The following NEMP2 variants were observed in gnomAD, a reference collection of about 807,000 sequenced individuals.
NEMP2 encodes nuclear envelope integral membrane protein 2.
NEMP2 carries 53 observed loss-of-function variants against 54.2 expected under a neutral mutation model. The observed-to-expected ratio is 0.98, with a 90% CI of 0.78 to 1.23. NEMP2 has a LOEUF of 1.23. Ranked by LOEUF, NEMP2 falls within the 50% of genes most tolerant of loss-of-function variation. The pLI, the probability that NEMP2 is intolerant of heterozygous loss-of-function variation, is 0.00. For missense variants in NEMP2, 455 were observed against 511.3 expected (o/e 0.89, Z 1.06); for synonymous variants, 197 against 190.3 (o/e 1.04, Z -0.29).
the NEMP2 span, among the ~76,000 whole-genome samples, chr2:190,461,975 C>T: frequency 0.9 from 136,598 of 152,068 alleles, 61,816 homozygotes; most frequent in East Asian, 1. This position sits in a 1 kb window ranked among gnomAD's most constrained non-coding sequence, Gnocchi z 5.5. Context: ...TTCCCTACCA[C>T]TTAAATCTTT....
At chr2:190,565,557 A>G in the NEMP2 span, among the ~76,000 whole-genome samples, 1 of 152,172 alleles carries the variant, frequency 6.6e-6, no homozygotes. Context: ...ACAAAAAGAG[A>G]ATGCGAGCTG....
the NEMP2 span, among the ~76,000 whole-genome samples, chr2:190,614,438 T>C: frequency 6.6e-6 from 1 of 151,752 alleles, no homozygotes; most frequent in Non-Finnish European, 1.5e-5. This position sits in a 1 kb window ranked among gnomAD's most constrained non-coding sequence, Gnocchi z 5.7. Context: ...AGGAGAGAAA[T>C]AAAAACAAAA....
the NEMP2 span, among the ~76,000 whole-genome samples, chr2:190,468,113 T>C: frequency 2.6e-5 from 4 of 152,334 alleles, no homozygotes. Flanking sequence ...GCTTTTTTTT[T>C]CCCTAGCAGA....
the NEMP2 span, among the ~76,000 whole-genome samples, chr2:190,541,950 G>T: frequency 2.6e-5 from 4 of 151,506 alleles, no homozygotes. This position sits in a 1 kb window ranked among gnomAD's most constrained non-coding sequence, Gnocchi z 5.2. Flanking sequence ...TGAGAAGTCT[G>T]TTGCCAGAAA....
At chr2:190,596,648 C>T in the NEMP2 span, among the ~76,000 whole-genome samples, 1 of 152,168 alleles carries the variant, frequency 6.6e-6, no homozygotes, top group Non-Finnish European at 1.5e-5. This position sits in a 1 kb window ranked among gnomAD's most constrained non-coding sequence, Gnocchi z 5.1. Flanking sequence ...GTCTTTTCAT[C>T]TCTTCTAGCA....
At chr2:190,471,840 C>G in the NEMP2 span, among the ~76,000 whole-genome samples, 158 of 152,338 alleles carry the variant, frequency 1.0e-3, no homozygotes, top group African/African-American at 3.4e-3. The surrounding 1 kb of genome is among the most constrained non-coding windows in gnomAD (Gnocchi z 4.7). Context: ...AGGCACCCCC[C>G]AGTAGGGGCA....
chr2:190,463,965 G>T, the NEMP2 span: 1 of 867,908 alleles, frequency 1.2e-6, no homozygotes, highest in South Asian at 5.3e-5. This position sits in a 1 kb window ranked among gnomAD's most constrained non-coding sequence, Gnocchi z 4.4. Context: ...CAGGGATCTG[G>T]TGTCAACAAC....
At chr2:190,449,473 CAA>C in the NEMP2 span, among the ~76,000 whole-genome samples, 4 of 141,682 alleles carry the variant, frequency 2.8e-5, no homozygotes, top group African/African-American at 2.6e-5. Flanking sequence ...GACTTCGTCT[CAA>C]AAAAAAAAAA....
At chr2:190,431,298 G>A in the NEMP2 span, among the ~76,000 whole-genome samples, 11 of 152,272 alleles carry the variant, frequency 7.2e-5, no homozygotes, top group East Asian at 1.2e-3. The surrounding 1 kb of genome is among the most constrained non-coding windows in gnomAD (Gnocchi z 4.4). Flanking sequence ...CTTCCCAGAC[G>A]GGGTGGCGGC....
rs1239924536 is a variant in NEMP2 at position 190,527,962 on chromosome 2, C to T, written c.98-2584G>A. 6.6e-6 allele frequency among the ~76,000 whole-genome samples: 1 copy of T among 152,082 alleles called. No individual in the cohort carries two copies. On this transcript the variant is annotated intron_variant, in intron 1 of 8. Transcript: ENST00000409150. The surrounding 1 kb of genome is among the most constrained non-coding windows in gnomAD (Gnocchi z 4.0). ...AAAACTGTCTTCCATGAAACTGGTC[C>T]CTGTTGCTAAAAGGTTGAAGACTGC...
At chr2:190,603,397 G>A in the NEMP2 span, among the ~76,000 whole-genome samples, 14 of 151,874 alleles carry the variant, frequency 9.2e-5, no homozygotes, top group Non-Finnish European at 1.5e-5. Context: ...GTTGCAAATG[G>A]GTCAAGGCCC....
At chr2:190,479,996 C>G in the NEMP2 span, among the ~76,000 whole-genome samples, 1 of 152,122 alleles carries the variant, frequency 6.6e-6, no homozygotes, top group African/African-American at 2.4e-5. Flanking sequence ...GACCCTGTCT[C>G]TACAAAATAT....
intron 4 of NEMP2, among the ~76,000 whole-genome samples, chr2:190,518,254 C>T (rs1156336875): frequency 6.6e-6 from 1 of 152,032 alleles, no homozygotes; most frequent in Non-Finnish European, 1.5e-5. Context: ...GAGAACTTGT[C>T]AGTAATAAAA....
At chr2:190,622,082 G>A in the NEMP2 span, among the ~76,000 whole-genome samples, 1 of 149,654 alleles carries the variant, frequency 6.7e-6, no homozygotes, top group African/African-American at 2.5e-5. Context: ...CCTGGGGAGT[G>A]AGACTCTGTC....
chr2:190,464,925 G>A, the NEMP2 span: 1 of 983,066 alleles, frequency 1.0e-6, no homozygotes, highest in East Asian at 1.1e-4. Flanking sequence ...GGGGGAGGGT[G>A]GATTTAGCCA....
In NEMP2 at chr2:190,525,689, G is replaced by C. The variant is rs151169330; in HGVS notation, c.98-311C>G. 6.8e-4 allele frequency among the ~76,000 whole-genome samples: 103 copies of C among 152,284 alleles called. No individual in the cohort carries two copies. The highest frequency in any genetic ancestry group is 2.4e-3 in the African/African-American group (100 of 41,548). ...CAGAAAAGACAAAAATATGAGTAAA[G>C]GGCTGAAGGGCAAGGTAGAGGCAAT... is the stretch of plus-strand genomic sequence containing the variant. On this transcript the variant is annotated intron_variant, in intron 1 of 8. Coordinates refer to ENST00000409150, the MANE Select transcript of NEMP2 (RefSeq NM_001142645.2). This position sits in a 1 kb window ranked among gnomAD's most constrained non-coding sequence, Gnocchi z 5.0.
the NEMP2 span, among the ~76,000 whole-genome samples, chr2:190,633,987 G>A: frequency 5.9e-5 from 9 of 152,036 alleles, no homozygotes; most frequent in Admixed American, 2.0e-4. Context: ...CAGGAAAATC[G>A]CTTGAACCCA....
At chr2:190,567,606 G>C in the NEMP2 span, among the ~76,000 whole-genome samples, 3 of 152,222 alleles carry the variant, frequency 2.0e-5, no homozygotes, top group East Asian at 5.8e-4. The surrounding 1 kb of genome is among the most constrained non-coding windows in gnomAD (Gnocchi z 4.0). Context: ...TTGGACTAGG[G>C]AAAGCAATGA....
chr2:190,498,923 G>T, the NEMP2 span, among the ~76,000 whole-genome samples: 1 of 152,140 alleles, frequency 6.6e-6, no homozygotes, highest in East Asian at 1.9e-4. This position sits in a 1 kb window ranked among gnomAD's most constrained non-coding sequence, Gnocchi z 5.9. Flanking sequence ...GCCGAGGTGG[G>T]TGGATCACGA....
Sources: gnomAD v4.1 joint callset for allele counts (sites outside exome capture counted in the v4.1 genomes callset) on GRCh38, gnomAD v4.1.1 for gene constraint, Gnocchi (gnomAD v3.1) non-coding constraint, MANE v1.5 for transcripts, NCBI Gene and HGNC (gene_info 2026-07-23, HGNC 2026-07-21) for gene names.